The following DUSP16 variants were observed in gnomAD, a reference collection of about 807,000 sequenced individuals.
The protein encoded by DUSP16 is dual specificity protein phosphatase 16.
Under a neutral mutation model 58.3 loss-of-function variants are expected in DUSP16, and 21 were observed. The ratio of observed to expected loss-of-function variants is 0.36; its 90% CI spans 0.26 to 0.52. DUSP16 has a LOEUF of 0.52. Ranked by LOEUF, DUSP16 falls within the 20% of genes least tolerant of loss-of-function variation. The pLI is 0.94. For missense variants in DUSP16, 726 were observed against 819.0 expected (o/e 0.89, Z 1.39); for synonymous variants, 320 against 323.8 (o/e 0.99, Z 0.12).
chr12:12,539,825 T>C (rs2136250127), intron 1 of DUSP16, among the ~76,000 whole-genome samples: 1 of 149,152 alleles, frequency 6.7e-6, no homozygotes, highest in South Asian at 2.1e-4. Flanking sequence ...CCGAGGCAGG[T>C]GGACCATTTG....
chr12:12,482,965 C>T (rs1034456490), intron 5 of DUSP16, among the ~76,000 whole-genome samples: 1 of 152,098 alleles, frequency 6.6e-6, no homozygotes, highest in Admixed American at 6.6e-5. Context: ...CTCCCGCCTC[C>T]GCTTCCCAAA....
intron 4 of DUSP16, among the ~76,000 whole-genome samples, chr12:12,497,392 T>C (rs1005320493): frequency 6.6e-6 from 1 of 152,156 alleles, no homozygotes; most frequent in Non-Finnish European, 1.5e-5. Flanking sequence ...AGAATTCCTT[T>C]TTCCAGAAGA....
chr12:12,533,214 T>A (rs556211856), intron 1 of DUSP16, among the ~76,000 whole-genome samples: 6 of 152,374 alleles, frequency 3.9e-5, no homozygotes, highest in South Asian at 2.1e-4. Flanking sequence ...ATGTATTTTT[T>A]AATTATATTC....
chr12:12,540,587 T>C (rs1375286729), intron 1 of DUSP16, among the ~76,000 whole-genome samples: 1 of 152,220 alleles, frequency 6.6e-6, no homozygotes, highest in Non-Finnish European at 1.5e-5. Context: ...ATAAGATATC[T>C]ATAAGGCTCC....
chr12:12,508,803 C>G (rs1383260204), intron 3 of DUSP16, among the ~76,000 whole-genome samples: 3 of 152,144 alleles, frequency 2.0e-5, no homozygotes, highest in Non-Finnish European at 4.4e-5. Flanking sequence ...AGGACATATG[C>G]AACAGTTATG....
chr12:12,482,637 A>G (rs1270546152), intron 5 of DUSP16, among the ~76,000 whole-genome samples: 1 of 152,244 alleles, frequency 6.6e-6, no homozygotes, highest in African/African-American at 2.4e-5. Flanking sequence ...GCCTTGGAGA[A>G]GAAACCAGAG....
intron 1 of DUSP16, among the ~76,000 whole-genome samples, chr12:12,544,021 T>A (rs1009836950): frequency 6.6e-6 from 1 of 152,052 alleles, no homozygotes; most frequent in Non-Finnish European, 1.5e-5. Context: ...TATATGCCAA[T>A]AAGCATACAC....
chr12:12,519,859 T>C lies in DUSP16; in HGVS notation c.367+3A>G. On this transcript the variant is annotated splice_donor_region_variant and intron_variant, in intron 3 of 6. Coordinates refer to ENST00000298573, the MANE Select transcript of DUSP16 (RefSeq NM_030640.3). ...GTCCTTTTAATTCCATCACGAGCCTTACCTGCAAGCAGGTGAACAGAGTTG... is the reference window on the plus strand; with the variant it reads ...GTCCTTTTAATTCCATCACGAGCCTCACCTGCAAGCAGGTGAACAGAGTTG... 3 of 1,614,020 alleles carry C rather than the reference T, an allele frequency of 1.9e-6. No individual in the cohort carries two copies. Among genetic ancestry groups the C allele is most frequent in the Non-Finnish European group, 1.7e-6 (2 of 1,179,900 alleles).
At position 12,475,346 on chromosome 12, in the gene DUSP16, T is replaced by C. The variant is rs1054664900; in HGVS notation, c.*1487A>G. 11 of 152,206 alleles carry C rather than the reference T, an allele frequency of 7.2e-5. No homozygotes were observed. The highest frequency in any genetic ancestry group is 2.4e-4 in the African/African-American group (10 of 41,438). 9.4% of individuals were successfully genotyped at this position (152,206 alleles called of 1,614,324 possible). A position where few individuals can be genotyped will look rare whatever the true frequency, so the allele number is the denominator to read the frequency against. On this transcript the variant is annotated 3_prime_UTR_variant, in exon 7 of 7. Coordinates refer to ENST00000298573, the MANE Select transcript of DUSP16 (RefSeq NM_030640.3). The stretch of plus-strand genomic sequence containing the variant: ...AAAGCCAATCTGCACTATCACTTGT[T>C]CCAGTGACCTCCTATGTTCAGCTGC...
intron 3 of DUSP16, among the ~76,000 whole-genome samples, chr12:12,519,194 A>T (rs538034401): frequency 1.2e-4 from 19 of 152,332 alleles, no homozygotes; most frequent in African/African-American, 4.6e-4. Flanking sequence ...AACTCCTACA[A>T]TGCCGTCCTC....
chr12:12,562,810 C>G lies in DUSP16; in HGVS notation c.-1059G>C, dbSNP rs1234351605. Reference sequence around the variant, plus strand: ...CCGGAGCGCGGCTCCGCGCCTCGTTCCGGCCGCTCGGGGAGGGGTCAGGTC... The same window carrying G: ...CCGGAGCGCGGCTCCGCGCCTCGTTGCGGCCGCTCGGGGAGGGGTCAGGTC... On this transcript the variant is annotated 5_prime_UTR_variant, in exon 1 of 7. Transcript: ENST00000298573. Among the ~76,000 whole-genome samples the G allele has an allele frequency of 6.6e-6, 1 of 151,664 alleles. No homozygotes were observed. Among genetic ancestry groups the G allele is most frequent in the East Asian group, 1.9e-4 (1 of 5,164 alleles).
chr12:12,500,491 C>T (rs1943892425), intron 4 of DUSP16, 28 bp downstream of exon 4: 1 of 1,582,098 alleles, frequency 6.3e-7, no homozygotes, highest in Admixed American at 1.9e-5. Flanking sequence ...ATAAACCCAG[C>T]AATGAAGGAT....
chr12:12,557,513 A>C (rs1944824696), intron 1 of DUSP16, among the ~76,000 whole-genome samples: 1 of 152,022 alleles, frequency 6.6e-6, no homozygotes, highest in Non-Finnish European at 1.5e-5. Context: ...AAAGTCACAT[A>C]GGTTTCTTTT....
chr12:12,552,424 C>T (rs1386221033), intron 1 of DUSP16, among the ~76,000 whole-genome samples: 1 of 151,624 alleles, frequency 6.6e-6, no homozygotes, highest in Admixed American at 6.6e-5. Context: ...CCAGCCTGGG[C>T]GACAGAGCGA....
At chr12:12,534,811 TA>T (rs899666349) in intron 1 of DUSP16, among the ~76,000 whole-genome samples, 7 of 152,198 alleles carry the variant, frequency 4.6e-5, no homozygotes, top group African/African-American at 1.7e-4. Context: ...TTTGTTACTC[TA>T]AAAAAAAGTT....
intron 5 of DUSP16, chr12:12,485,243 C>G (rs1231554419): frequency 6.6e-6 from 1 of 151,626 alleles, no homozygotes; most frequent in African/African-American, 2.4e-5. Flanking sequence ...AACTCCTGAC[C>G]TCAGGTGATC....
intron 1 of DUSP16, among the ~76,000 whole-genome samples, chr12:12,557,817 TTC>T (rs1157710867): frequency 6.6e-6 from 1 of 152,220 alleles, no homozygotes; most frequent in Non-Finnish European, 1.5e-5. Context: ...GGCAAAAACT[TTC>T]TCTTATTTTC....
intron 1 of DUSP16, among the ~76,000 whole-genome samples, chr12:12,525,656 T>G (rs1386811639): frequency 6.6e-6 from 1 of 151,872 alleles, no homozygotes; most frequent in Non-Finnish European, 1.5e-5. Context: ...GAGGATCACT[T>G]GAGTCCAAGA....
chr12:12,488,733 A>C lies in DUSP16; in HGVS notation c.532-1546T>G, dbSNP rs80091418. 5.5e-3 allele frequency among the ~76,000 whole-genome samples: 842 copies of C among 152,258 alleles called. 8 individuals carry two copies. Among genetic ancestry groups the C allele is most frequent in the African/African-American group, 0.019 (770 of 41,546 alleles). On this transcript the variant is annotated intron_variant, in intron 4 of 6. Transcript: ENST00000298573. ...CCCTTCTGAAACATGCCAGTTCCCT[A>C]ATCTCTTCATTTACTACATTTGGCA... is the stretch of plus-strand genomic sequence containing the variant.
Sources: gnomAD v4.1 joint callset for allele counts (sites outside exome capture counted in the v4.1 genomes callset) on GRCh38, gnomAD v4.1.1 for gene constraint, MANE v1.5 for transcripts, NCBI Gene and HGNC (gene_info 2026-07-23, HGNC 2026-07-21) for gene names.